Variants in EPHA6 observed in about 807,000 individuals in gnomAD.
EPHA6 encodes ephrin type-A receptor 6.
Under a neutral mutation model 112.0 loss-of-function variants are expected in EPHA6, and 50 were observed. The ratio of observed to expected loss-of-function variants is 0.45; its 90% CI spans 0.36 to 0.56. The LOEUF (loss-of-function observed/expected upper bound fraction) is 0.56. EPHA6 is among the 20% of genes least tolerant of loss of function. The pLI, the probability that EPHA6 is intolerant of heterozygous loss-of-function variation, is 0.00. For synonymous variants in EPHA6, 529 were observed against 490.7 expected (o/e 1.08, Z -1.03); for missense variants, 1,280 against 1,417.4 (o/e 0.90, Z 1.56).
intron 14 of EPHA6, among the ~76,000 whole-genome samples, chr3:97,688,917 T>G (rs1366001704): frequency 6.6e-6 from 1 of 152,182 alleles, no homozygotes; most frequent in African/African-American, 2.4e-5. Flanking sequence ...TAAATATCTT[T>G]GTATTTTTAA....
intron 7 of EPHA6, among the ~76,000 whole-genome samples, chr3:97,452,720 T>C (rs1044509718): frequency 2.0e-5 from 3 of 151,644 alleles, no homozygotes; most frequent in Non-Finnish European, 4.4e-5. Context: ...TTTCTCAAGA[T>C]TAAAATAAAA....
chr3:97,528,971 T>A (rs370553897), intron 10 of EPHA6, among the ~76,000 whole-genome samples: 10 of 152,272 alleles, frequency 6.6e-5, no homozygotes, highest in Non-Finnish European at 1.0e-4. Context: ...AACATATATT[T>A]GAGCAAGGTC....
At chr3:97,074,367 A>G (rs2046451951) in intron 3 of EPHA6, among the ~76,000 whole-genome samples, 1 of 151,996 alleles carries the variant, frequency 6.6e-6, no homozygotes. Flanking sequence ...ATTTGGCAGC[A>G]GTTACACTTG....
intron 12 of EPHA6, among the ~76,000 whole-genome samples, chr3:97,603,593 A>T (rs1203561206): frequency 6.6e-6 from 1 of 151,934 alleles, no homozygotes; most frequent in East Asian, 1.9e-4. Context: ...TCTAAGATTA[A>T]AACCGTCAAT....
rs148643846 is a variant in EPHA6 at position 97,033,155 on chromosome 3, G to A, written c.1114+45162G>A. On this transcript the variant is annotated intron_variant, in intron 3 of 17. Coordinates refer to ENST00000389672, the MANE Select transcript of EPHA6 (RefSeq NM_001080448.3). ...TTATGAGGAGGCTGCTGGAGACTCG[G>A]TACTCTTGGAAAGGTTGTTATGAGA... 2.4e-4 allele frequency among the ~76,000 whole-genome samples: 36 copies of A among 152,048 alleles called. No individual in the cohort carries two copies. The East Asian group carries it at 7.0e-3, about 29-fold the overall frequency.
chr3:96,980,460 T>G (rs1262670326), intron 2 of EPHA6, among the ~76,000 whole-genome samples: 1 of 152,218 alleles, frequency 6.6e-6, no homozygotes, highest in Non-Finnish European at 1.5e-5. Flanking sequence ...TGTAGCCTTG[T>G]AGTATAGTTT....
intron 3 of EPHA6, among the ~76,000 whole-genome samples, chr3:97,108,139 T>C (rs1305921146): frequency 6.6e-6 from 1 of 152,098 alleles, no homozygotes; most frequent in African/African-American, 2.4e-5. Context: ...ACAGGTAAAT[T>C]GCATACTAGG....
chr3:97,032,786 G>A (rs2044919048), intron 3 of EPHA6, among the ~76,000 whole-genome samples: 1 of 151,894 alleles, frequency 6.6e-6, no homozygotes, highest in African/African-American at 2.4e-5. Flanking sequence ...TTCAACCCCA[G>A]ACCTTACCTA....
intron 11 of EPHA6, among the ~76,000 whole-genome samples, chr3:97,547,868 T>A (rs1399902959): frequency 1.3e-5 from 2 of 150,816 alleles, no homozygotes; most frequent in African/African-American, 4.9e-5. Context: ...CTCCAAGCCA[T>A]GTGTGGGATA....
chr3:96,987,070 C>CT (rs888866827), intron 2 of EPHA6, among the ~76,000 whole-genome samples: 3 of 152,280 alleles, frequency 2.0e-5, no homozygotes, highest in African/African-American at 7.2e-5. Flanking sequence ...AGCTCCTTTA[C>CT]AGTTGAGGAA....
intron 2 of EPHA6, among the ~76,000 whole-genome samples, chr3:96,951,076 C>T (rs2041513178): frequency 6.6e-6 from 1 of 151,750 alleles, no homozygotes; most frequent in South Asian, 2.1e-4. Context: ...ATTCTTATTC[C>T]TTAGTTGCTT....
intron 3 of EPHA6, among the ~76,000 whole-genome samples, chr3:97,069,032 A>G (rs1408269640): frequency 6.6e-6 from 1 of 152,122 alleles, no homozygotes; most frequent in Non-Finnish European, 1.5e-5. Context: ...GCACACACTT[A>G]TAATTGACCC....
intron 11 of EPHA6, among the ~76,000 whole-genome samples, chr3:97,560,942 T>G (rs1343634072): frequency 2.0e-5 from 3 of 152,072 alleles, no homozygotes; most frequent in Non-Finnish European, 2.9e-5. Context: ...TTTTTTATTA[T>G]TATTACATTT....
chr3:96,961,421 G>A (rs1285163503), intron 2 of EPHA6, among the ~76,000 whole-genome samples: 1 of 152,034 alleles, frequency 6.6e-6, no homozygotes, highest in Non-Finnish European at 1.5e-5. Context: ...TTGTCTTTTG[G>A]GTGCAGGAGA....
intron 10 of EPHA6, among the ~76,000 whole-genome samples, chr3:97,518,018 A>G (rs1265803338): frequency 6.6e-6 from 1 of 152,126 alleles, no homozygotes; most frequent in African/African-American, 2.4e-5. Context: ...TGTTGCTTCC[A>G]TATCTTGGCT....
intron 6 of EPHA6, among the ~76,000 whole-genome samples, chr3:97,419,927 A>T (rs1185272863): frequency 6.6e-6 from 1 of 152,130 alleles, no homozygotes; most frequent in Admixed American, 6.5e-5. Flanking sequence ...ACATGAAATA[A>T]CCAAAATGAA....
intron 14 of EPHA6, among the ~76,000 whole-genome samples, chr3:97,712,655 C>T (rs1316640970): frequency 1.3e-5 from 2 of 152,144 alleles, no homozygotes; most frequent in African/African-American, 4.8e-5. Context: ...AATGATGTAG[C>T]ACCTATGTTC....
intron 11 of EPHA6, among the ~76,000 whole-genome samples, chr3:97,543,123 T>G (rs958979842): frequency 3.3e-5 from 5 of 152,140 alleles, no homozygotes; most frequent in Admixed American, 3.3e-4. Context: ...GTCAATTTTG[T>G]CTTTTGTTGC....
chr3:97,310,071 CTT>C (rs796354899), intron 5 of EPHA6, among the ~76,000 whole-genome samples: 19 of 151,596 alleles, frequency 1.3e-4, no homozygotes, highest in Middle Eastern at 3.4e-3. Context: ...TTATATAACT[CTT>C]TTGGTTAAAA....
Sources: allele counts gnomAD v4.1 joint callset (sites outside exome capture counted in the v4.1 genomes callset), GRCh38; gene constraint gnomAD v4.1.1; transcripts MANE v1.5; gene names NCBI Gene and HGNC (gene_info 2026-07-23, HGNC 2026-07-21).